FCHSD2: variants seen among roughly 807,000 people sequenced by gnomAD.
FCHSD2 encodes the protein FCH and double SH3 domains 2.
Under a neutral mutation model 108.1 loss-of-function variants are expected in FCHSD2, and 38 were observed. The observed-to-expected ratio is 0.35, with a 90% CI of 0.27 to 0.46. The LOEUF is 0.46. Ranked by LOEUF, FCHSD2 falls within the 20% of genes least tolerant of loss-of-function variation. The probability of loss-of-function intolerance (pLI) is 1.00; values close to 1 mark genes in which losing one functional copy is unlikely to be tolerated. For missense variants in FCHSD2, 751 were observed against 897.8 expected (o/e 0.84, Z 2.09); for synonymous variants, 279 against 314.7 (o/e 0.89, Z 1.20).
intron 2 of FCHSD2, among the ~76,000 whole-genome samples, chr11:73,113,504 G>A (rs1056922417): frequency 1.3e-5 from 2 of 151,858 alleles, no homozygotes; most frequent in Non-Finnish European, 2.9e-5. Context: ...GAGTAGCTGG[G>A]ACTACAAGCA....
At chr11:72,867,527 T>A (rs1854754620) in intron 13 of FCHSD2, among the ~76,000 whole-genome samples, 1 of 152,182 alleles carries the variant, frequency 6.6e-6, no homozygotes, top group African/African-American at 2.4e-5. Context: ...AGAAGACCTC[T>A]GAGAACTTCA....
At chr11:73,077,129 G>GA (rs149998754) in intron 3 of FCHSD2, among the ~76,000 whole-genome samples, 9 of 133,038 alleles carry the variant, frequency 6.8e-5, no homozygotes, top group East Asian at 2.2e-4. Flanking sequence ...AGAAAAAAAA[G>GA]AAAAAAAAAA....
In FCHSD2 at chr11:72,960,615, C is replaced by G. The variant is rs2135371936; in HGVS notation, c.705+23473G>C. Among the ~76,000 whole-genome samples the G allele has an allele frequency of 2.0e-5, 3 of 152,282 alleles. No individual in the cohort carries two copies. The South Asian group carries it at 6.2e-4, about 32-fold the overall frequency. On this transcript the variant is annotated intron_variant, in intron 8 of 19. Transcript: ENST00000409418. ...TGCTATTAATTTCTTACAACTGACA[C>G]ATAAACTGAAACCTATTTGCCATTC...
chr11:73,051,824 G>A (rs1432315901), intron 3 of FCHSD2, among the ~76,000 whole-genome samples: 1 of 150,278 alleles, frequency 6.7e-6, no homozygotes, highest in Non-Finnish European at 1.5e-5. Flanking sequence ...AGTGTTTTCA[G>A]GCTTTTTATA....
intron 8 of FCHSD2, among the ~76,000 whole-genome samples, chr11:72,927,864 G>A (rs1450443075): frequency 1.3e-5 from 2 of 152,196 alleles, no homozygotes; most frequent in East Asian, 1.9e-4. Context: ...TGTTTTCAAC[G>A]GGGAATCACG....
intron 3 of FCHSD2, among the ~76,000 whole-genome samples, chr11:73,045,907 T>TA (rs1323116114): frequency 2.0e-5 from 3 of 151,156 alleles, no homozygotes; most frequent in Non-Finnish European, 2.9e-5. Flanking sequence ...CCCTAAAACT[T>TA]AAAGTATAAT....
At chr11:73,046,611 T>C (rs1380497450) in intron 3 of FCHSD2, among the ~76,000 whole-genome samples, 1 of 152,208 alleles carries the variant, frequency 6.6e-6, no homozygotes, top group Non-Finnish European at 1.5e-5. Flanking sequence ...AAAATGTTTT[T>C]ACCTACTAAT....
chr11:72,844,590 G>A (rs962516931), intron 14 of FCHSD2, among the ~76,000 whole-genome samples: 1 of 152,168 alleles, frequency 6.6e-6, no homozygotes, highest in Non-Finnish European at 1.5e-5. Flanking sequence ...GAAAGTCCGT[G>A]TGGCTTTGCT....
At chr11:72,903,160 T>C (rs1175219983) in intron 9 of FCHSD2, among the ~76,000 whole-genome samples, 1 of 152,176 alleles carries the variant, frequency 6.6e-6, no homozygotes, top group African/African-American at 2.4e-5. Context: ...TCTTACAGCA[T>C]ACCAAGAAGA....
intron 16 of FCHSD2, 66 bp from the exon 17 acceptor site, chr11:72,842,907 C>T: frequency 8.1e-7 from 1 of 1,238,048 alleles, no homozygotes; most frequent in Non-Finnish European, 1.2e-6. Context: ...GCAACCACCC[C>T]TATGCTCACA....
intron 12 of FCHSD2, among the ~76,000 whole-genome samples, chr11:72,876,614 T>C (rs1854975907): frequency 6.6e-6 from 1 of 152,262 alleles, no homozygotes; most frequent in African/African-American, 2.4e-5. Context: ...GAATGTTCTA[T>C]GTGTACTTTA....
At chr11:73,135,124 G>T (rs376204027) in intron 2 of FCHSD2, among the ~76,000 whole-genome samples, 1 of 152,206 alleles carries the variant, frequency 6.6e-6, no homozygotes, top group African/African-American at 2.4e-5. Flanking sequence ...AAAGTGCTGG[G>T]ATCACAGGCA....
At chr11:73,103,380 T>C (rs1423540722) in intron 2 of FCHSD2, among the ~76,000 whole-genome samples, 1 of 152,216 alleles carries the variant, frequency 6.6e-6, no homozygotes, top group Non-Finnish European at 1.5e-5. Context: ...TACTTCATTG[T>C]TTCTGAAAAC....
chr11:72,946,313 A>G (rs7120191), intron 8 of FCHSD2, among the ~76,000 whole-genome samples: 150,673 of 151,150 alleles, frequency 1, 75,099 homozygotes, highest in Middle Eastern at 1. Flanking sequence ...ACCAAACACC[A>G]CATGTTCTCA....
intron 12 of FCHSD2, among the ~76,000 whole-genome samples, chr11:72,874,210 A>G (rs1854921287): frequency 6.6e-6 from 1 of 152,178 alleles, no homozygotes; most frequent in African/African-American, 2.4e-5. Context: ...TTTTTAAGAG[A>G]CAGGGTCTCA....
chr11:72,887,433 G>T, intron 12 of FCHSD2, 37 bp downstream of exon 12: 2 of 1,332,282 alleles, frequency 1.5e-6, no homozygotes, highest in South Asian at 1.2e-5. Context: ...AGTGTCATTA[G>T]ACCTGGGCAA....
chr11:72,936,026 G>C (rs1026974597), intron 8 of FCHSD2, among the ~76,000 whole-genome samples: 1 of 152,106 alleles, frequency 6.6e-6, no homozygotes, highest in South Asian at 2.1e-4. Flanking sequence ...AAACATCATG[G>C]GCAACAGAAA....
intron 3 of FCHSD2, among the ~76,000 whole-genome samples, chr11:73,029,071 T>C (rs759591520): frequency 6.6e-6 from 1 of 152,128 alleles, no homozygotes; most frequent in Non-Finnish European, 1.5e-5. Context: ...AGACAAACTA[T>C]GAAGACCAGA....
At chr11:72,967,701 G>A (rs997576466) in intron 8 of FCHSD2, among the ~76,000 whole-genome samples, 1 of 152,114 alleles carries the variant, frequency 6.6e-6, no homozygotes, top group African/African-American at 2.4e-5. Context: ...GGTGATGGTT[G>A]TACAACCTAG....
Sources: gnomAD v4.1 joint callset for allele counts (sites outside exome capture counted in the v4.1 genomes callset) on GRCh38, gnomAD v4.1.1 for gene constraint, MANE v1.5 for transcripts, NCBI Gene and HGNC (gene_info 2026-07-23, HGNC 2026-07-21) for gene names.